GRIN2B: variants seen among roughly 807,000 people sequenced by gnomAD.
GRIN2B encodes glutamate ionotropic receptor NMDA type subunit 2B, also known as glutamate receptor ionotropic, NMDA 2B.
Under a neutral mutation model 114.5 loss-of-function variants are expected in GRIN2B, and 5 were observed. That is an observed-to-expected ratio of 0.04 (90% CI 0.02 to 0.09). The LOEUF is 0.09. Among genes scored for constraint, GRIN2B ranks in the 10% least tolerant of loss-of-function variants. The pLI is 1.00. For synonymous variants in GRIN2B, 787 were observed against 745.1 expected (o/e 1.06, Z -0.92); for missense variants, 1,108 against 1,943.5 (o/e 0.57, Z 8.08).
chr12:13,735,844 G>A (rs578217191), intron 4 of GRIN2B, among the ~76,000 whole-genome samples: 3 of 152,016 alleles, frequency 2.0e-5, no homozygotes, highest in East Asian at 1.9e-4. Context: ...TGGGACAACC[G>A]AGTGTGGAGA....
chr12:13,829,974 G>A (rs1470469401), intron 3 of GRIN2B, among the ~76,000 whole-genome samples: 2 of 152,152 alleles, frequency 1.3e-5, no homozygotes, highest in Admixed American at 1.3e-4. Flanking sequence ...GGTAGGAGGG[G>A]CTGGGAGGAT....
intron 3 of GRIN2B, among the ~76,000 whole-genome samples, chr12:13,830,660 A>C (rs922077557): frequency 6.6e-6 from 1 of 152,092 alleles, no homozygotes; most frequent in Non-Finnish European, 1.5e-5. Context: ...ATATATGTAC[A>C]CCCTCCCCAG....
chr12:13,574,663 C>T (rs915518767), intron 10 of GRIN2B, among the ~76,000 whole-genome samples: 2 of 152,124 alleles, frequency 1.3e-5, no homozygotes, highest in East Asian at 2.0e-4. Flanking sequence ...TTTCATACAG[C>T]TCTTTATATA....
chr12:13,710,385 T>G (rs1030074699), intron 4 of GRIN2B, among the ~76,000 whole-genome samples: 1 of 151,934 alleles, frequency 6.6e-6, no homozygotes, highest in Non-Finnish European at 1.5e-5. Context: ...CCAGGGCAAT[T>G]AGGCAGGAGA....
rs115480900 is a variant in GRIN2B, at chr12:13,800,763, A to G, written c.412-46848T>C. ...AGGCTAACACATTTACTATGAATGT[A>G]CGTCATGATTTGGATGTTCACAATG... On this transcript the variant is annotated intron_variant, in intron 3 of 13. Coordinates refer to ENST00000609686, the MANE Select transcript of GRIN2B (RefSeq NM_000834.5). Among the ~76,000 whole-genome samples, 1,058 of 152,312 alleles carry G rather than the reference A, an allele frequency of 6.9e-3. 22 individuals are homozygous for G. The highest frequency in any genetic ancestry group is 0.025 in the African/African-American group (1,028 of 41,574).
At chr12:13,816,036 C>T (rs1864817302) in intron 3 of GRIN2B, among the ~76,000 whole-genome samples, 2 of 152,270 alleles carry the variant, frequency 1.3e-5, no homozygotes, top group South Asian at 4.1e-4. Flanking sequence ...AAGAGATATA[C>T]TTGAGAGGCA....
At chr12:13,720,137 C>G (rs1314976112) in intron 4 of GRIN2B, among the ~76,000 whole-genome samples, 1 of 151,940 alleles carries the variant, frequency 6.6e-6, no homozygotes, top group African/African-American at 2.4e-5. Flanking sequence ...GTCAGCCTGG[C>G]TTTGTCTAAT....
intron 2 of GRIN2B, among the ~76,000 whole-genome samples, chr12:13,894,309 G>A (rs1000136753): frequency 1.3e-5 from 2 of 152,074 alleles, no homozygotes; most frequent in African/African-American, 4.8e-5. Flanking sequence ...ATTTATAATA[G>A]TGAAAAATGG....
chr12:13,974,800 C>G (rs1862990818), intron 2 of GRIN2B, among the ~76,000 whole-genome samples: 1 of 151,856 alleles, frequency 6.6e-6, no homozygotes, highest in African/African-American at 2.4e-5. Flanking sequence ...AACTCTTTTT[C>G]ATAGCACAAT....
chr12:13,909,474 T>G (rs1191918999), intron 2 of GRIN2B, among the ~76,000 whole-genome samples: 1 of 152,228 alleles, frequency 6.6e-6, no homozygotes, highest in Non-Finnish European at 1.5e-5. Context: ...CAGGAAATAA[T>G]GAGCACTGTT....
At chr12:13,578,689 G>T (rs1290308217) in intron 10 of GRIN2B, among the ~76,000 whole-genome samples, 1 of 152,190 alleles carries the variant, frequency 6.6e-6, no homozygotes, top group African/African-American at 2.4e-5. Context: ...AGTTTGCTGT[G>T]TAGCAATAGG....
At chr12:13,607,336 TA>T (rs1949279121) in intron 10 of GRIN2B, among the ~76,000 whole-genome samples, 5 of 49,926 alleles carry the variant, frequency 1.0e-4, no homozygotes, top group Non-Finnish European at 1.8e-4. Context: ...TAATATATAT[TA>T]TATATAATAT....
At chr12:13,958,260 C>T (rs1867627407) in intron 2 of GRIN2B, among the ~76,000 whole-genome samples, 1 of 152,154 alleles carries the variant, frequency 6.6e-6, no homozygotes, top group African/African-American at 2.4e-5. Flanking sequence ...TGGACTAAAG[C>T]TTTACCTTAC....
intron 3 of GRIN2B, among the ~76,000 whole-genome samples, chr12:13,834,254 G>A (rs1007055040): frequency 6.9e-5 from 10 of 145,458 alleles, no homozygotes; most frequent in Non-Finnish European, 1.2e-4. Flanking sequence ...AGCCACAATG[G>A]TCTGGATCTC....
At chr12:13,869,792 G>A (rs553135247) in intron 2 of GRIN2B, among the ~76,000 whole-genome samples, 16 of 152,318 alleles carry the variant, frequency 1.1e-4, no homozygotes, top group Admixed American at 1.3e-4. Flanking sequence ...ACCAACTGAC[G>A]TTTTAATACC....
At chr12:13,807,718 T>C (rs1187436907) in intron 3 of GRIN2B, among the ~76,000 whole-genome samples, 1 of 128,900 alleles carries the variant, frequency 7.8e-6, no homozygotes, top group African/African-American at 2.7e-5. Context: ...GCTTTTTTTT[T>C]TTTTTTTTTT....
At chr12:13,569,782 TG>T in intron 12 of GRIN2B, 47 bp downstream of exon 12, 2 of 1,154,658 alleles carry the variant, frequency 1.7e-6, no homozygotes, top group Non-Finnish European at 2.5e-6. Context: ...TGTTTTGGAC[TG>T]GCCATCAGTA....
At chr12:13,759,509 C>T (rs1210965913) in intron 3 of GRIN2B, among the ~76,000 whole-genome samples, 1 of 152,170 alleles carries the variant, frequency 6.6e-6, no homozygotes, top group Non-Finnish European at 1.5e-5. Context: ...CTCAATTCTC[C>T]TAATTCCTCT....
At chr12:13,878,261 C>T (rs1866021177) in intron 2 of GRIN2B, among the ~76,000 whole-genome samples, 1 of 152,144 alleles carries the variant, frequency 6.6e-6, no homozygotes, top group Admixed American at 6.5e-5. Context: ...ACCCACTTCC[C>T]TTTCTGCCAC....
Sources: gnomAD v4.1 joint callset for allele counts (sites outside exome capture counted in the v4.1 genomes callset) on GRCh38, gnomAD v4.1.1 for gene constraint, MANE v1.5 for transcripts, NCBI Gene and HGNC (gene_info 2026-07-23, HGNC 2026-07-21) for gene names.